ZCCHC24: variants seen among roughly 807,000 people sequenced by gnomAD.
ZCCHC24 encodes zinc finger CCHC domain-containing protein 24.
Under a neutral mutation model 26.2 loss-of-function variants are expected in ZCCHC24, and 10 were observed. That is an observed-to-expected ratio of 0.38 (90% confidence interval 0.24 to 0.65). ZCCHC24 has a LOEUF of 0.65. Among genes scored for constraint, ZCCHC24 ranks in the 30% least tolerant of loss-of-function variants. The pLI, the probability that ZCCHC24 is intolerant of heterozygous loss-of-function variation, is 0.54. For synonymous variants in ZCCHC24, 144 were observed against 147.1 expected (o/e 0.98, Z 0.15); for missense variants, 243 against 329.1 (o/e 0.74, Z 2.03).
intron 2 of ZCCHC24, among the ~76,000 whole-genome samples, chr10:79,401,967 G>A (rs970349876): frequency 3.9e-5 from 6 of 152,214 alleles, no homozygotes; most frequent in South Asian, 4.1e-4. Context: ...CAAGAGCCCC[G>A]GTCTCAGGAG....
intron 2 of ZCCHC24, among the ~76,000 whole-genome samples, chr10:79,428,597 ATATG>A (rs1484145884): frequency 6.6e-6 from 1 of 152,220 alleles, no homozygotes; most frequent in Non-Finnish European, 1.5e-5. Context: ...ATTTTATGCC[ATATG>A]TATTTTAAAT....
chr10:79,438,140 A>C (rs1174663697), intron 1 of ZCCHC24, among the ~76,000 whole-genome samples: 5 of 152,278 alleles, frequency 3.3e-5, no homozygotes, highest in East Asian at 1.9e-4. Context: ...CTCTGATTCG[A>C]GTCCCTAGCT....
At chr10:79,435,959 T>G (rs1233784893) in intron 1 of ZCCHC24, among the ~76,000 whole-genome samples, 1 of 152,182 alleles carries the variant, frequency 6.6e-6, no homozygotes, top group Non-Finnish European at 1.5e-5. Context: ...CCTCTTGGGT[T>G]TCCCATCTGT....
intron 3 of ZCCHC24, among the ~76,000 whole-genome samples, chr10:79,391,946 A>G (rs902909082): frequency 6.7e-6 from 1 of 150,164 alleles, no homozygotes; most frequent in Admixed American, 6.6e-5. Flanking sequence ...GCCACACCCT[A>G]GACTTGGGCT....
intron 2 of ZCCHC24, among the ~76,000 whole-genome samples, chr10:79,420,193 G>A (rs1856918484): frequency 1.3e-5 from 2 of 151,980 alleles, no homozygotes; most frequent in African/African-American, 2.4e-5. Context: ...GCTGTGCATC[G>A]CCCCTCCTCC....
chr10:79,412,377 G>C (rs114555519), intron 2 of ZCCHC24, among the ~76,000 whole-genome samples: 5 of 152,194 alleles, frequency 3.3e-5, no homozygotes, highest in African/African-American at 1.2e-4. Context: ...CAGGTGCATC[G>C]GTGAGGGGCG....
At chr10:79,389,655 G>A (rs746638667) in intron 3 of ZCCHC24, among the ~76,000 whole-genome samples, 2 of 151,518 alleles carry the variant, frequency 1.3e-5, no homozygotes, top group Non-Finnish European at 2.9e-5. Flanking sequence ...CATTTCTGTT[G>A]CCTAGGCTGG....
chr10:79,400,883 A>G (rs1449305426), intron 2 of ZCCHC24, among the ~76,000 whole-genome samples: 2 of 152,224 alleles, frequency 1.3e-5, no homozygotes, highest in East Asian at 3.8e-4. Flanking sequence ...GGGAAGCCAG[A>G]CATGTCCACA....
In ZCCHC24 at chr10:79,394,440, C is replaced by T; in HGVS notation, c.448G>A (p.Ala150Thr). Residue 150 changes from alanine (A) to threonine (T), a missense_variant and splice_region_variant, in exon 3 of 4, where the codon GCA (alanine) becomes ACA (threonine). Around this residue, in one of 2 missense-constraint regions of ZCCHC24, gnomAD observed 96 missense variants for 178.3 expected, o/e 0.54. Coordinates refer to ENST00000372336, the MANE Select transcript of ZCCHC24 (RefSeq NM_153367.4). ...GTCAGGCCCTCGCCTTTGGGGCGTGCCTACAGGGCAGGAAGCAAACACAGG... is the reference window on the plus strand; with the variant it reads ...GTCAGGCCCTCGCCTTTGGGGCGTGTCTACAGGGCAGGAAGCAAACACAGG... ...KGHYIKDCPQ[A>T]RPKGEGLTPY... The T allele has an allele frequency of 6.2e-7, 1 of 1,613,176 alleles. No individual in the cohort carries two copies. Among genetic ancestry groups the T allele is most frequent in the Non-Finnish European group, 8.5e-7 (1 of 1,179,348 alleles).
At chr10:79,434,788 G>C (rs140896145) in intron 1 of ZCCHC24, among the ~76,000 whole-genome samples, 25 of 152,294 alleles carry the variant, frequency 1.6e-4, no homozygotes, top group African/African-American at 6.0e-4. Context: ...ACAGTTGAGT[G>C]GCATTAAGAG....
rs1856339273 is a variant in ZCCHC24, at chr10:79,382,772, G to A, written c.*3573C>T. On this transcript the variant is annotated 3_prime_UTR_variant, in exon 4 of 4. Transcript: ENST00000372336. ...ATTAGATGCTGGAGGGCTGGTGTAA[G>A]GGCTCCGGTTGACATTTCCAAGTTC... is the stretch of plus-strand genomic sequence containing the variant. The A allele has an allele frequency of 6.5e-6, 1 of 152,804 alleles. No homozygotes were observed. The highest frequency in any genetic ancestry group is 1.9e-4 in the East Asian group (1 of 5,342). The allele number at this position is 152,804 out of a possible 1,614,324, so 9.5% of individuals were successfully genotyped here. A position where few individuals can be genotyped will look rare whatever the true frequency, so the allele number is the denominator to read the frequency against.
At chr10:79,397,181 C>G (rs935794387) in intron 2 of ZCCHC24, among the ~76,000 whole-genome samples, 1 of 152,178 alleles carries the variant, frequency 6.6e-6, no homozygotes, top group Admixed American at 6.5e-5. Context: ...CCAACACCAC[C>G]CTGATCTCCT....
At chr10:79,435,414 C>T (rs951271332) in intron 1 of ZCCHC24, among the ~76,000 whole-genome samples, 1 of 152,174 alleles carries the variant, frequency 6.6e-6, no homozygotes, top group Non-Finnish European at 1.5e-5. Flanking sequence ...CCCTGGGCAG[C>T]CAGAGGCCTC....
intron 2 of ZCCHC24, among the ~76,000 whole-genome samples, chr10:79,408,052 A>G (rs1481738982): frequency 1.3e-5 from 2 of 152,144 alleles, no homozygotes; most frequent in East Asian, 3.8e-4. Context: ...CAGGAAGGCA[A>G]AGGAACACAG....
intron 2 of ZCCHC24, chr10:79,403,424 T>C (rs879766445): frequency 3.0e-6 from 3 of 985,438 alleles, no homozygotes; most frequent in Non-Finnish European, 3.6e-6. Flanking sequence ...CACACTCACA[T>C]GTCCACATGC....
At chr10:79,438,675 A>C (rs1330596723) in intron 1 of ZCCHC24, among the ~76,000 whole-genome samples, 1 of 152,258 alleles carries the variant, frequency 6.6e-6, no homozygotes, top group African/African-American at 2.4e-5. Flanking sequence ...AGTGCTTAGC[A>C]AAAGATTCTT....
At chr10:79,408,881 G>A (rs939771880) in intron 2 of ZCCHC24, 1 of 152,212 alleles carries the variant, frequency 6.6e-6, no homozygotes, top group African/African-American at 2.4e-5. Context: ...CCCTGCCTGG[G>A]TCTCAGTTTC....
chr10:79,436,100 A>G (rs1464482318), intron 1 of ZCCHC24, among the ~76,000 whole-genome samples: 2 of 152,172 alleles, frequency 1.3e-5, no homozygotes, highest in South Asian at 2.1e-4. Flanking sequence ...AGGCCGACAC[A>G]GGCACCATCT....
rs1856344602 is a variant in ZCCHC24 at position 79,383,139 on chromosome 10, C to T, written c.*3206G>A. 1 of 152,720 alleles carries T rather than the reference C, an allele frequency of 6.5e-6. No homozygotes were observed. The highest frequency in any genetic ancestry group is 1.5e-5 in the Non-Finnish European group (1 of 68,030). 9.5% of individuals were successfully genotyped at this position (152,720 alleles called of 1,614,324 possible). On this transcript the variant is annotated 3_prime_UTR_variant, in exon 4 of 4. Coordinates refer to ENST00000372336, the MANE Select transcript of ZCCHC24 (RefSeq NM_153367.4). The stretch of plus-strand genomic sequence containing the variant: ...CACTATGTATCGAATTATAGCTTCC[C>T]TTAAAAAAGGCAATACTTTCCAAAA...
Sources: gnomAD v4.1 joint callset for allele counts (sites outside exome capture counted in the v4.1 genomes callset) on GRCh38, gnomAD v4.1.1 for gene constraint, gnomAD v4.1.1 regional missense constraint, MANE v1.5 for transcripts, NCBI Gene and HGNC (gene_info 2026-07-23, HGNC 2026-07-21) for gene names.